RERE: variants seen among roughly 807,000 people sequenced by gnomAD.
RERE encodes the protein arginine-glutamic acid dipeptide repeats, also known as arginine-glutamic acid dipeptide repeats protein.
In RERE, 40 loss-of-function variants were observed where a neutral mutation model predicts 146.1. The ratio of observed to expected loss-of-function variants is 0.27; its 90% CI spans 0.21 to 0.36. The LOEUF is 0.36. Ranked by LOEUF, RERE falls within the 10% of genes least tolerant of loss-of-function variation. RERE has a pLI of 1.00. For missense variants in RERE, 1,933 were observed against 2,138.7 expected (o/e 0.90, Z 1.90); for synonymous variants, 1,003 against 866.0 (o/e 1.16, Z -2.78).
intron 7 of RERE, among the ~76,000 whole-genome samples, chr1:8,529,579 C>T (rs980133772): frequency 3.3e-5 from 5 of 151,634 alleles, no homozygotes; most frequent in South Asian, 2.1e-4. Flanking sequence ...GGATTACAGG[C>T]GTGAGCCACC....
intron 1 of RERE, among the ~76,000 whole-genome samples, chr1:8,678,229 A>T (rs1638885467): frequency 6.6e-6 from 1 of 152,218 alleles, no homozygotes; most frequent in South Asian, 2.1e-4. Flanking sequence ...TTATTCACTA[A>T]CAAGCTTTCC....
chr1:8,635,217 T>C (rs934328697), intron 2 of RERE, among the ~76,000 whole-genome samples: 7 of 152,144 alleles, frequency 4.6e-5, no homozygotes, highest in African/African-American at 1.4e-4. Flanking sequence ...TCCAATCATC[T>C]ATCTCCTTAT....
At chr1:8,393,823 G>T (rs560569930) in intron 12 of RERE, among the ~76,000 whole-genome samples, 3 of 152,192 alleles carry the variant, frequency 2.0e-5, no homozygotes, top group Non-Finnish European at 2.9e-5. Context: ...AAACTATATA[G>T]AGTTGAAAAT....
intron 11 of RERE, chr1:8,434,933 A>G (rs1644147867): frequency 6.6e-6 from 1 of 152,228 alleles, no homozygotes; most frequent in Non-Finnish European, 1.5e-5. Flanking sequence ...GTGAAAGCCT[A>G]AGCCAGACCT....
chr1:8,774,951 C>CTTTTTT lies in RERE; in HGVS notation c.-145+42203_-145+42208dup, dbSNP rs869173167. On this transcript the variant is annotated intron_variant, in intron 1 of 22. Transcript: ENST00000400908. ...TCATAGTAGCATTTCTTCTTTCTTT[C>CTTTTTT]TTTTTTTTTTTTTTTTTTTTTTTTT... Among the ~76,000 whole-genome samples the CTTTTTT allele has an allele frequency of 1.3e-3, 60 of 47,962 alleles. 1 individual carries two copies. The highest frequency in any genetic ancestry group is 3.4e-3 in the South Asian group (4 of 1,164). The allele number at this position is 47,962 out of a possible 152,430, so 31.5% of individuals were successfully genotyped here. A position where few individuals can be genotyped will look rare whatever the true frequency, so the allele number is the denominator to read the frequency against.
At chr1:8,373,605 G>T (rs912569385) in intron 12 of RERE, among the ~76,000 whole-genome samples, 2 of 152,170 alleles carry the variant, frequency 1.3e-5, no homozygotes, top group Non-Finnish European at 2.9e-5. Context: ...AAAGAGCTGT[G>T]GCCCTGAGAG....
At chr1:8,397,092 C>T (rs1416769418) in intron 12 of RERE, among the ~76,000 whole-genome samples, 3 of 152,194 alleles carry the variant, frequency 2.0e-5, no homozygotes, top group Non-Finnish European at 4.4e-5. Flanking sequence ...GTGACAGATA[C>T]TGAGTCAGAA....
intron 12 of RERE, among the ~76,000 whole-genome samples, chr1:8,368,366 C>A (rs747781980): frequency 7.2e-5 from 11 of 151,732 alleles, no homozygotes; most frequent in Non-Finnish European, 1.2e-4. Context: ...TCCAGCTACT[C>A]GGGAGTCTGA....
intron 7 of RERE, among the ~76,000 whole-genome samples, chr1:8,513,596 T>C (rs995664382): frequency 3.3e-5 from 5 of 152,190 alleles, no homozygotes; most frequent in African/African-American, 7.2e-5. Context: ...CTGGCCAACA[T>C]AGTGAAACCC....
At position 8,603,928 on chromosome 1, in the gene RERE, G is replaced by T. The variant is rs1161570416; in HGVS notation, c.522+10633C>A. 1.2e-4 allele frequency among the ~76,000 whole-genome samples: 13 copies of T among 107,260 alleles called. No homozygotes were observed. In the East Asian group the frequency reaches 1.6e-3, roughly 13 times the overall value. 70.4% of individuals were successfully genotyped at this position (107,260 alleles called of 152,430 possible). A position where few individuals can be genotyped will look rare whatever the true frequency, so the allele number is the denominator to read the frequency against. ...GTACTCTAGGTGGGTGACAAAGCGA[G>T]ACCCTGTCTCAAAAAAAAAAAAAGA... On this transcript the variant is annotated intron_variant, in intron 4 of 22. Transcript: ENST00000400908.
At chr1:8,672,194 G>T (rs1638734225) in intron 1 of RERE, among the ~76,000 whole-genome samples, 1 of 152,008 alleles carries the variant, frequency 6.6e-6, no homozygotes, top group African/African-American at 2.4e-5. Context: ...GTTTTTTTGA[G>T]TCAGCGTCTC....
chr1:8,514,248 G>A (rs1272856599), intron 7 of RERE, among the ~76,000 whole-genome samples: 2 of 152,138 alleles, frequency 1.3e-5, no homozygotes, highest in Non-Finnish European at 1.5e-5. Context: ...AAATGCCCAC[G>A]TCTGAATGAC....
intron 7 of RERE, among the ~76,000 whole-genome samples, chr1:8,527,182 T>C (rs1319847509): frequency 6.6e-6 from 1 of 152,228 alleles, no homozygotes; most frequent in Admixed American, 6.5e-5. Context: ...CTGCCGATAA[T>C]GTAATTTAGA....
At chr1:8,809,993 T>TTTGTTGTTGTTGTTG (rs757435268) in intron 1 of RERE, among the ~76,000 whole-genome samples, 1 of 151,452 alleles carries the variant, frequency 6.6e-6, no homozygotes, top group East Asian at 1.9e-4. Flanking sequence ...TGTTTTTGTT[T>TTTGTTGTTGTTGTTG]TTGTTGTTGT....
intron 1 of RERE, among the ~76,000 whole-genome samples, chr1:8,795,842 C>T (rs1387125375): frequency 6.6e-6 from 1 of 151,788 alleles, no homozygotes; most frequent in African/African-American, 2.4e-5. Flanking sequence ...ATTAGCTGGG[C>T]GTGGTGGCAC....
At chr1:8,616,153 G>A (rs1646850482) in intron 3 of RERE, among the ~76,000 whole-genome samples, 2 of 152,190 alleles carry the variant, frequency 1.3e-5, no homozygotes, top group African/African-American at 4.8e-5. Flanking sequence ...GAATATGACT[G>A]CCCAAACCAC....
chr1:8,668,311 GT>G (rs1638624602), intron 1 of RERE, among the ~76,000 whole-genome samples: 1 of 152,202 alleles, frequency 6.6e-6, no homozygotes, highest in African/African-American at 2.4e-5. Context: ...TGAAAATTCT[GT>G]TGTTTACTGG....
chr1:8,361,693 G>A, intron 17 of RERE, 70 bp downstream of exon 17: 1 of 1,443,024 alleles, frequency 6.9e-7, no homozygotes, highest in Non-Finnish European at 9.7e-7. Context: ...CACCAACTAG[G>A]GAGAACCCCG....
intron 1 of RERE, chr1:8,703,204 G>A (rs1639492309): frequency 6.6e-6 from 1 of 151,458 alleles, no homozygotes; most frequent in African/African-American, 2.4e-5. Flanking sequence ...AAAACAAAAG[G>A]AGGCCTGAGC....
Sources: allele counts gnomAD v4.1 joint callset (sites outside exome capture counted in the v4.1 genomes callset), GRCh38; gene constraint gnomAD v4.1.1; transcripts MANE v1.5; gene names NCBI Gene and HGNC (gene_info 2026-07-23, HGNC 2026-07-21).